IL7: variants seen among roughly 807,000 people sequenced by gnomAD.
IL7 encodes the protein interleukin 7.
Under a neutral mutation model 21.6 loss-of-function variants are expected in IL7, and 3 were observed. That is an observed-to-expected ratio of 0.14 (90% confidence interval 0.06 to 0.36). The LOEUF (loss-of-function observed/expected upper bound fraction) is 0.36. Ranked by LOEUF, IL7 falls within the 10% of genes least tolerant of loss-of-function variation. The probability of loss-of-function intolerance (pLI) is 1.00; values close to 1 mark genes in which losing one functional copy is unlikely to be tolerated. For synonymous variants in IL7, 62 were observed against 68.1 expected (o/e 0.91, Z 0.44); for missense variants, 175 against 200.2 (o/e 0.87, Z 0.76).
intron 2 of IL7, among the ~76,000 whole-genome samples, chr8:78,775,277 A>G (rs376504823): frequency 2.2e-4 from 33 of 152,260 alleles, no homozygotes; most frequent in South Asian, 8.3e-4. Context: ...CACACACTGC[A>G]TAACTATTGA....
intron 2 of IL7, among the ~76,000 whole-genome samples, chr8:78,753,652 C>T (rs1350696783): frequency 6.6e-6 from 1 of 152,012 alleles, no homozygotes. Context: ...TCTTCCCATG[C>T]CTATGTCGTG....
At chr8:78,798,229 G>C (rs1373745388) in intron 1 of IL7, 21 bp from the exon 2 acceptor site, 1 of 1,576,534 alleles carries the variant, frequency 6.3e-7, no homozygotes, top group Non-Finnish European at 8.7e-7. Flanking sequence ...CAGTAAATAA[G>C]AATGAGCTAA....
At chr8:78,799,546 A>C (rs1467959760) in intron 1 of IL7, among the ~76,000 whole-genome samples, 1 of 152,182 alleles carries the variant, frequency 6.6e-6, no homozygotes, top group African/African-American at 2.4e-5. Flanking sequence ...GCCTATATGC[A>C]TGATGAGCAT....
chr8:78,778,256 CA>C (rs1563432126), intron 2 of IL7, among the ~76,000 whole-genome samples: 1 of 152,010 alleles, frequency 6.6e-6, no homozygotes, highest in Non-Finnish European at 1.5e-5. Flanking sequence ...CATGGAAAGG[CA>C]GGATTCGAAG....
chr8:78,720,668 A>G (rs1240227261), intron 5 of IL7, among the ~76,000 whole-genome samples: 1 of 151,896 alleles, frequency 6.6e-6, no homozygotes, highest in Non-Finnish European at 1.5e-5. Context: ...TTTATATTTT[A>G]GAAATTTTGC....
At chr8:78,760,732 T>C in intron 2 of IL7, 2 of 1,573,574 alleles carry the variant, frequency 1.3e-6, no homozygotes, top group Non-Finnish European at 1.7e-6. Flanking sequence ...TTAGCTGAGA[T>C]TCCAAGTTAC....
chr8:78,689,253 A>T, intron 3 of IL7: 1 of 1,590,348 alleles, frequency 6.3e-7, no homozygotes. Context: ...GTCAGAGGAG[A>T]TTCAATGAAA....
downstream of IL7, among the ~76,000 whole-genome samples, chr8:78,714,293 T>C (rs1811033209): frequency 6.6e-6 from 1 of 152,150 alleles, no homozygotes; most frequent in African/African-American, 2.4e-5. Flanking sequence ...ACCTATTTCA[T>C]AGGATTATTA....
chr8:78,795,466 T>G (rs185805052), intron 2 of IL7, among the ~76,000 whole-genome samples: 3 of 152,226 alleles, frequency 2.0e-5, no homozygotes, highest in Admixed American at 1.3e-4. Flanking sequence ...AGCCATGTTT[T>G]GTTTTTTGAA....
chr8:78,693,323 G>C (rs1289490536), intron 3 of IL7, among the ~76,000 whole-genome samples: 4 of 151,218 alleles, frequency 2.6e-5, no homozygotes, highest in Non-Finnish European at 5.9e-5. Context: ...TTCCACAATG[G>C]TTGAACTAGT....
intron 3 of IL7, among the ~76,000 whole-genome samples, chr8:78,698,206 A>G (rs1251704116): frequency 6.6e-6 from 1 of 152,210 alleles, no homozygotes; most frequent in African/African-American, 2.4e-5. Flanking sequence ...CTTTATTTAT[A>G]TATCAATTAT....
chr8:78,744,491 C>G (rs1264421711), intron 2 of IL7, among the ~76,000 whole-genome samples: 1 of 152,070 alleles, frequency 6.6e-6, no homozygotes, highest in Non-Finnish European at 1.5e-5. Context: ...TTCCCCTCTC[C>G]CTGGGAACTC....
At chr8:78,718,788 G>A (rs920002590) in intron 6 of IL7, 1 of 151,628 alleles carries the variant, frequency 6.6e-6, no homozygotes, top group Non-Finnish European at 1.5e-5. Flanking sequence ...CAGTAATTCT[G>A]TAGTAATTTC....
At position 78,686,662 on chromosome 8, in the gene IL7, A is replaced by G. The variant is rs942462855; in HGVS notation, n.215-715T>C. The G allele has an allele frequency of 3.6e-6, 5 of 1,398,628 alleles. No homozygotes were observed. The African/African-American group carries it at 7.4e-5, about 21-fold the overall frequency. The allele number at this position is 1,398,628 out of a possible 1,614,324, so 86.6% of individuals were successfully genotyped here. On this transcript the variant is annotated intron_variant and non_coding_transcript_variant, in intron 3 of 4. Coordinates refer to the IL7 transcript ENST00000523959. The stretch of plus-strand genomic sequence containing the variant: ...TCATGTGGAAAGAAAATAATGATAG[A>G]GTTTTTATAAATTTTCACTTGTTAA...
intron 2 of IL7, among the ~76,000 whole-genome samples, chr8:78,766,134 A>C (rs1008851605): frequency 2.0e-5 from 3 of 152,168 alleles, no homozygotes; most frequent in Non-Finnish European, 1.5e-5. Context: ...GTAAAACTAG[A>C]GACAGTAAAA....
chr8:78,786,310 G>A (rs1400692875), intron 2 of IL7, among the ~76,000 whole-genome samples: 1 of 152,142 alleles, frequency 6.6e-6, no homozygotes, highest in East Asian at 1.9e-4. Flanking sequence ...GTAAGTATTT[G>A]TGTGTCTAAA....
Position 78,804,960 on chromosome 8 carries a change from C to A in IL7, c.-38G>T. 6.2e-7 allele frequency: 1 copy of A among 1,608,014 alleles called. No homozygotes were observed. Among genetic ancestry groups the A allele is most frequent in the Admixed American group, 1.7e-5 (1 of 59,536 alleles). ...GCGGGCGTAGTCATGATGACCGCAA[C>A]TGGAGCAGGAGCAAGCTCTCACCGC... On this transcript the variant is annotated 5_prime_UTR_variant, in exon 1 of 6. Transcript: ENST00000263851.
At chr8:78,695,574 C>T (rs1407451397) in intron 3 of IL7, among the ~76,000 whole-genome samples, 3 of 152,146 alleles carry the variant, frequency 2.0e-5, no homozygotes, top group Admixed American at 2.0e-4. Context: ...ACATAACTCT[C>T]GTAGTTTAAC....
intron 4 of IL7, among the ~76,000 whole-genome samples, chr8:78,684,920 T>G (rs1809915831): frequency 6.6e-6 from 1 of 152,222 alleles, no homozygotes; most frequent in Admixed American, 6.5e-5. Context: ...ATAAAGATTT[T>G]AAGTTTCTCA....
Sources: allele counts gnomAD v4.1 joint callset (sites outside exome capture counted in the v4.1 genomes callset), GRCh38; gene constraint gnomAD v4.1.1; transcripts MANE v1.5; gene names NCBI Gene and HGNC (gene_info 2026-07-23, HGNC 2026-07-21).